The following RBFOX3 variants were observed in gnomAD, a reference collection of about 807,000 sequenced individuals.
RBFOX3 encodes the protein RNA binding fox-1 homolog 3.
In RBFOX3, 17 loss-of-function variants were observed where a neutral mutation model predicts 48.7. The observed-to-expected ratio is 0.35, with a 90% CI of 0.24 to 0.52. The LOEUF is 0.52. Ranked by LOEUF, RBFOX3 falls within the 20% of genes least tolerant of loss-of-function variation. The pLI is 0.94. For synonymous variants in RBFOX3, 212 were observed against 209.5 expected (o/e 1.01, Z -0.10); for missense variants, 382 against 497.5 (o/e 0.77, Z 2.21).
chr17:79,577,792 G>A (rs2092913967), intron 1 of RBFOX3, among the ~76,000 whole-genome samples: 1 of 152,226 alleles, frequency 6.6e-6, no homozygotes, highest in East Asian at 1.9e-4. Context: ...GAGGGGCCAG[G>A]GAGGCCAGTG....
chr17:79,529,136 CA>C (rs537320777), intron 1 of RBFOX3, among the ~76,000 whole-genome samples: 17,998 of 152,198 alleles, frequency 0.12, 3,015 homozygotes, highest in African/African-American at 0.38. Context: ...TCTGAAGCTG[CA>C]TTCCCCTGGT....
At chr17:79,217,442 G>A (rs141707334) in intron 4 of RBFOX3, among the ~76,000 whole-genome samples, 44 of 152,256 alleles carry the variant, frequency 2.9e-4, no homozygotes, top group African/African-American at 7.9e-4. Flanking sequence ...TCACTCACTC[G>A]TTCATTTCAG....
chr17:79,653,763 G>GA, the RBFOX3 span, among the ~76,000 whole-genome samples: 7 of 1,160 alleles, frequency 6.0e-3, no homozygotes, highest in East Asian at 0.1. Flanking sequence ...TGCATGTCGT[G>GA]GTTTTTTTTT....
intron 4 of RBFOX3, among the ~76,000 whole-genome samples, chr17:79,188,468 C>G (rs2053856861): frequency 6.6e-6 from 1 of 152,258 alleles, no homozygotes; most frequent in Non-Finnish European, 1.5e-5. Context: ...TCACTTACAA[C>G]CATGTCCCAG....
At chr17:79,518,398 G>A (rs931366779) in intron 1 of RBFOX3, among the ~76,000 whole-genome samples, 366 of 152,242 alleles carry the variant, frequency 2.4e-3, no homozygotes, top group African/African-American at 8.5e-3. Context: ...GGATGGGGGC[G>A]CCTCACGGAA....
upstream of RBFOX3, among the ~76,000 whole-genome samples, chr17:79,611,431 G>GGGGCAC (rs1342438089): frequency 6.6e-6 from 1 of 151,918 alleles, no homozygotes; most frequent in African/African-American, 2.4e-5. Flanking sequence ...CCTCGGGGCA[G>GGGGCAC]GGGCACAGAA....
In RBFOX3 at chr17:79,340,477, C is replaced by A. The variant is rs1389784731; in HGVS notation, c.-174-32653G>T. Among the ~76,000 whole-genome samples, 6 of 152,200 alleles carry A rather than the reference C, an allele frequency of 3.9e-5. No individual in the cohort carries two copies. In the East Asian group the frequency reaches 1.2e-3, roughly 29 times the overall value. On this transcript the variant is annotated intron_variant, in intron 2 of 14. Transcript: ENST00000693108. ...ACAGCCTGAGCCGCCCTGTGATTTT[C>A]AGAGTTCTGTGTAAAGATGGAGTGT... is the stretch of plus-strand genomic sequence containing the variant.
At chr17:79,127,498 CTT>C (rs1012244318) in intron 4 of RBFOX3, among the ~76,000 whole-genome samples, 5 of 152,082 alleles carry the variant, frequency 3.3e-5, no homozygotes, top group African/African-American at 1.2e-4. Context: ...CTCCTATTTT[CTT>C]TTCTTTTTTT....
chr17:79,292,307 T>C (rs1016026359), intron 3 of RBFOX3, among the ~76,000 whole-genome samples: 3 of 151,552 alleles, frequency 2.0e-5, no homozygotes, highest in African/African-American at 4.9e-5. Context: ...ACCCCACGAG[T>C]GTCAGGACCC....
chr17:79,149,273 G>C (rs1357108353), intron 4 of RBFOX3, among the ~76,000 whole-genome samples: 2 of 152,192 alleles, frequency 1.3e-5, no homozygotes, highest in African/African-American at 2.4e-5. Flanking sequence ...TAGAGCGTGG[G>C]AGGCAGCATC....
At chr17:79,132,536 T>C (rs952727232) in intron 4 of RBFOX3, among the ~76,000 whole-genome samples, 3 of 152,144 alleles carry the variant, frequency 2.0e-5, no homozygotes, top group African/African-American at 7.2e-5. Flanking sequence ...ACATTGCTGG[T>C]CTGACGGGTG....
At chr17:79,503,348 C>G (rs2082619642) in intron 1 of RBFOX3, among the ~76,000 whole-genome samples, 1 of 152,208 alleles carries the variant, frequency 6.6e-6, no homozygotes, top group Non-Finnish European at 1.5e-5. Context: ...GGCACAGCCA[C>G]CCAAAAGCGT....
intron 2 of RBFOX3, among the ~76,000 whole-genome samples, chr17:79,379,438 G>A (rs1051772876): frequency 8.5e-5 from 13 of 152,084 alleles, no homozygotes; most frequent in Non-Finnish European, 1.6e-4. Flanking sequence ...GTCCTCCCTC[G>A]TTCACCTAAG....
intron 2 of RBFOX3, among the ~76,000 whole-genome samples, chr17:79,326,472 C>G (rs954196955): frequency 2.6e-5 from 4 of 152,172 alleles, no homozygotes; most frequent in African/African-American, 9.7e-5. Context: ...GGATGCTGGC[C>G]TGGGGTCAGG....
chr17:79,207,060 C>T (rs1222268277), intron 4 of RBFOX3, among the ~76,000 whole-genome samples: 1 of 152,172 alleles, frequency 6.6e-6, no homozygotes, highest in Non-Finnish European at 1.5e-5. Flanking sequence ...TGAAGTTTCC[C>T]ATGCAAAGAA....
rs1372145226 is a variant in RBFOX3 at position 79,243,947 on chromosome 17, C to T, written c.-73-8142G>A. The stretch of plus-strand genomic sequence containing the variant: ...TGGGAGGCCCAGTGTGGCATCTCTG[C>T]CCTGGAGCATCTCCAGACAGGCAAG... On this transcript the variant is annotated intron_variant, in intron 3 of 14. Transcript: ENST00000693108. The surrounding 1 kb of genome is among the most constrained non-coding windows in gnomAD (Gnocchi z 7.9). Among the ~76,000 whole-genome samples the T allele has an allele frequency of 6.6e-6, 1 of 152,140 alleles. No individual in the cohort carries two copies. The highest frequency in any genetic ancestry group is 1.5e-5 in the Non-Finnish European group (1 of 68,018).
chr17:79,551,505 G>A (rs2091142594), intron 1 of RBFOX3, among the ~76,000 whole-genome samples: 1 of 134,928 alleles, frequency 7.4e-6, no homozygotes. Flanking sequence ...GTGGATGGAC[G>A]GGTAGGTGGA....
intron 1 of RBFOX3, among the ~76,000 whole-genome samples, chr17:79,541,768 G>C (rs1219941692): frequency 6.6e-6 from 1 of 152,220 alleles, no homozygotes; most frequent in Non-Finnish European, 1.5e-5. Context: ...CTTTGTCTCA[G>C]CCCTTTCCGT....
intron 2 of RBFOX3, among the ~76,000 whole-genome samples, chr17:79,402,579 T>C (rs922114515): frequency 6.6e-6 from 1 of 152,064 alleles, no homozygotes; most frequent in African/African-American, 2.4e-5. Context: ...AGGAGCCACA[T>C]GGGGTGGTGG....
Sources: gnomAD v4.1 joint callset for allele counts (sites outside exome capture counted in the v4.1 genomes callset) on GRCh38, gnomAD v4.1.1 for gene constraint, Gnocchi (gnomAD v3.1) non-coding constraint, MANE v1.5 for transcripts, NCBI Gene and HGNC (gene_info 2026-07-23, HGNC 2026-07-21) for gene names.